The following CFAP44 variants were observed in gnomAD, a reference collection of about 807,000 sequenced individuals.
CFAP44 encodes the protein cilia and flagella associated protein 44, also known as cilia- and flagella-associated protein 44.
CFAP44 carries 134 observed loss-of-function variants against 216.2 expected under a neutral mutation model. The ratio of observed to expected loss-of-function variants is 0.62; its 90% CI spans 0.54 to 0.72. The LOEUF is 0.72. CFAP44 is among the 30% of genes least tolerant of loss of function. The pLI is 0.00. For synonymous variants in CFAP44, 700 were observed against 727.6 expected, an observed-to-expected ratio of 0.96 and a Z score of 0.61; for missense variants, 2,035 against 2,182.1, an observed-to-expected ratio of 0.93 and a Z score of 1.34.
At chr3:113,440,274 T>C (rs1437976763) in intron 1 of CFAP44, among the ~76,000 whole-genome samples, 1 of 152,160 alleles carries the variant, frequency 6.6e-6, no homozygotes, top group Non-Finnish European at 1.5e-5. Context: ...TTGGCCAGAC[T>C]TGTCTCGAAC....
At chr3:113,415,956 G>A (rs1934634026) in intron 6 of CFAP44, among the ~76,000 whole-genome samples, 1 of 152,038 alleles carries the variant, frequency 6.6e-6, no homozygotes, top group African/African-American at 2.4e-5. Context: ...TTGACAGTGG[G>A]GTGTTAAATT....
At chr3:113,338,891 G>A (rs1043093045) in intron 24 of CFAP44, among the ~76,000 whole-genome samples, 9 of 152,254 alleles carry the variant, frequency 5.9e-5, no homozygotes, top group Admixed American at 2.6e-4. Context: ...AGGTGGATCC[G>A]GAGGAGCAAG....
intron 24 of CFAP44, among the ~76,000 whole-genome samples, chr3:113,340,131 C>T (rs1269836725): frequency 1.3e-5 from 2 of 152,152 alleles, no homozygotes; most frequent in Non-Finnish European, 2.9e-5. Context: ...TGCCCAGGTG[C>T]CCAATCTGGG....
chr3:113,362,780 G>T, intron 21 of CFAP44: 1 of 594,714 alleles, frequency 1.7e-6, no homozygotes, highest in Non-Finnish European at 2.3e-6. Flanking sequence ...AACGAAGCCA[G>T]CCACCGGACG....
intron 21 of CFAP44, among the ~76,000 whole-genome samples, chr3:113,359,786 G>A (rs570907777): frequency 5.3e-5 from 8 of 152,106 alleles, no homozygotes; most frequent in African/African-American, 1.9e-4. Context: ...ATGAAAAAAA[G>A]CTAACCACTA....
intron 6 of CFAP44, 60 bp downstream of exon 6, chr3:113,416,465 C>A (rs187153186): frequency 8.9e-5 from 117 of 1,314,320 alleles, no homozygotes; most frequent in Non-Finnish European, 8.6e-6. Context: ...TAATGTCACA[C>A]CTTCTTCAGA....
chr3:113,373,567 G>A lies in CFAP44; in HGVS notation c.2299-11C>T. The A allele has an allele frequency of 2.6e-6, 4 of 1,564,322 alleles. No homozygotes were observed. The South Asian group carries it at 4.9e-5, about 19-fold the overall frequency. Reference sequence around the variant, plus strand: ...AGAATCATAGCCACCCTAGAAAAGAGATAAGTAACATAGAAGGTGGTACTT... The same window carrying A: ...AGAATCATAGCCACCCTAGAAAAGAAATAAGTAACATAGAAGGTGGTACTT... On this transcript the variant is annotated splice_polypyrimidine_tract_variant and intron_variant, in intron 17 of 34. Transcript: ENST00000393845.
chr3:113,319,241 A>T (rs1950118936), intron 28 of CFAP44, among the ~76,000 whole-genome samples: 1 of 152,206 alleles, frequency 6.6e-6, no homozygotes, highest in Non-Finnish European at 1.5e-5. Flanking sequence ...ATGGAGAAAG[A>T]TCTACCATGT....
chr3:113,402,098 A>G (rs1934157518), intron 9 of CFAP44, among the ~76,000 whole-genome samples: 1 of 152,214 alleles, frequency 6.6e-6, no homozygotes, highest in African/African-American at 2.4e-5. Context: ...GCAAGACATT[A>G]TAATGAACCC....
At chr3:113,406,800 A>G (rs1934296047) in intron 8 of CFAP44, 127 bp downstream of exon 8, 1 of 598,618 alleles carries the variant, frequency 1.7e-6, no homozygotes, top group Non-Finnish European at 2.9e-6. Flanking sequence ...AAGTAAAATT[A>G]AATGTTCATT....
intron 32 of CFAP44, among the ~76,000 whole-genome samples, chr3:113,302,294 G>A (rs982230663): frequency 3.3e-5 from 5 of 151,826 alleles, no homozygotes; most frequent in Non-Finnish European, 7.4e-5. Flanking sequence ...TAGTGGAATG[G>A]TTGGACCAAA....
At chr3:113,402,579 T>C (rs1934172732) in intron 9 of CFAP44, among the ~76,000 whole-genome samples, 3 of 152,184 alleles carry the variant, frequency 2.0e-5, no homozygotes, top group African/African-American at 7.2e-5. Context: ...GACTGTCCCA[T>C]AGATTAGCCT....
At chr3:113,412,980 A>G (rs1173883447) in intron 6 of CFAP44, among the ~76,000 whole-genome samples, 1 of 152,206 alleles carries the variant, frequency 6.6e-6, no homozygotes, top group Non-Finnish European at 1.5e-5. Flanking sequence ...ATTAATTTAC[A>G]TTCCCACCAA....
intron 32 of CFAP44, among the ~76,000 whole-genome samples, chr3:113,302,772 C>CAAAAAAAAAA (rs57355375): frequency 3.6e-4 from 16 of 44,394 alleles, no homozygotes; most frequent in East Asian, 5.3e-4. Context: ...GACTCCATCT[C>CAAAAAAAAAA]AAAAAAAAAA....
intron 22 of CFAP44, among the ~76,000 whole-genome samples, chr3:113,355,746 C>T (rs1056901581): frequency 6.6e-6 from 1 of 151,268 alleles, no homozygotes; most frequent in African/African-American, 2.4e-5. Context: ...GGTTGTGCAC[C>T]TGTACCCTAG....
Position 113,296,812 on chromosome 3 carries a change from C to A in CFAP44, c.5151G>T (p.Thr1717=), listed in dbSNP as rs1419493291. The A allele has an allele frequency of 2.0e-6, 3 of 1,537,572 alleles. No individual in the cohort carries two copies. The highest frequency in any genetic ancestry group is 3.3e-4 in the Middle Eastern group (2 of 5,994). Residue 1717 remains threonine (T), a synonymous_variant, in exon 33 of 35, where the codon ACG becomes ACT. Coordinates refer to ENST00000393845, the MANE Select transcript of CFAP44 (RefSeq NM_001164496.2). ...CTTCAAGTGTTGTATTAACAGAAAG[C>A]GTTTGAAGGGCTTCTAGATTTACCA... ...GRVVNLEALQ[T]LSVNTTLEEL... is the part of the protein sequence containing the mutation.
chr3:113,297,560 TAAC>T (rs1445138017), intron 32 of CFAP44, among the ~76,000 whole-genome samples: 1 of 152,206 alleles, frequency 6.6e-6, no homozygotes, highest in Admixed American at 6.5e-5. Context: ...TAGCCAGGGA[TAAC>T]TACATATTAT....
At position 113,291,455 on chromosome 3, in the gene CFAP44, C is replaced by T. The variant is rs79269467; in HGVS notation, c.*102G>A. 11,155 of 1,336,486 alleles carry T rather than the reference C, an allele frequency of 8.3e-3. 327 individuals carry two copies. The African/African-American group carries it at 0.089, about 11-fold the overall frequency. 82.8% of individuals were successfully genotyped at this position (1,336,486 alleles called of 1,614,324 possible). Reference sequence around the variant, plus strand: ...CTGGATCTGGTTTTACACTTTCAGGCGAGTTCAGTTTAAAGTAATAAGATT... The same window carrying T: ...CTGGATCTGGTTTTACACTTTCAGGTGAGTTCAGTTTAAAGTAATAAGATT... On this transcript the variant is annotated 3_prime_UTR_variant, in exon 35 of 35. Coordinates refer to ENST00000393845, the MANE Select transcript of CFAP44 (RefSeq NM_001164496.2).
rs74542388 is a variant in CFAP44, at chr3:113,395,690, A to G, written c.1890+60T>C. The G allele has an allele frequency of 8.9e-5, 128 of 1,438,232 alleles. No individual in the cohort carries two copies. The African/African-American group carries it at 1.6e-3, about 18-fold the overall frequency. 89.1% of individuals were successfully genotyped at this position (1,438,232 alleles called of 1,614,324 possible). A position where few individuals can be genotyped will look rare whatever the true frequency, so the allele number is the denominator to read the frequency against. ...TTCCACCTGCTATTTTCTATCTACAAGATAGTTTCACTATGTAGTAATTGA... is the reference window on the plus strand; with the variant it reads ...TTCCACCTGCTATTTTCTATCTACAGGATAGTTTCACTATGTAGTAATTGA... On this transcript the variant is annotated intron_variant, in intron 15 of 34. Transcript: ENST00000393845.
Sources: allele counts gnomAD v4.1 joint callset (sites outside exome capture counted in the v4.1 genomes callset), GRCh38; gene constraint gnomAD v4.1.1; transcripts MANE v1.5; gene names NCBI Gene and HGNC (gene_info 2026-07-23, HGNC 2026-07-21).